Variants in PBX3 observed in about 807,000 individuals in gnomAD.
PBX3 encodes the protein pre-B-cell leukemia transcription factor 3.
Under a neutral mutation model 48.5 loss-of-function variants are expected in PBX3, and 14 were observed. The ratio of observed to expected loss-of-function variants is 0.29; its 90% confidence interval spans 0.19 to 0.45. The LOEUF is 0.45. Among genes scored for constraint, PBX3 ranks in the 20% least tolerant of loss-of-function variants. PBX3 has a pLI of 1.00. For synonymous variants in PBX3, 210 were observed against 200.3 expected (o/e 1.05, Z -0.41); for missense variants, 386 against 546.7 (o/e 0.71, Z 2.93).
intron 2 of PBX3, among the ~76,000 whole-genome samples, chr9:125,882,153 C>T (rs1840397765): frequency 1.3e-5 from 2 of 152,014 alleles, no homozygotes; most frequent in South Asian, 4.2e-4. Flanking sequence ...TTGCTTGAAC[C>T]CAGGAGCTTG....
At chr9:125,876,631 G>C (rs1840255167) in intron 2 of PBX3, among the ~76,000 whole-genome samples, 1 of 152,046 alleles carries the variant, frequency 6.6e-6, no homozygotes, top group African/African-American at 2.4e-5. Flanking sequence ...TATCAGTAAG[G>C]CTTCCAGTCA....
chr9:125,878,866 TTA>T (rs1840315312), intron 2 of PBX3, among the ~76,000 whole-genome samples: 1 of 152,192 alleles, frequency 6.6e-6, no homozygotes, highest in Non-Finnish European at 1.5e-5. Flanking sequence ...TCAGATGTTG[TTA>T]TGTGATATTT....
chr9:125,898,012 G>A (rs1840814209), intron 2 of PBX3, among the ~76,000 whole-genome samples: 1 of 151,644 alleles, frequency 6.6e-6, no homozygotes, highest in African/African-American at 2.4e-5. Flanking sequence ...TTTAAATATA[G>A]TAATCTACAC....
rs575080705 is a variant in PBX3 at position 125,868,420 on chromosome 9, T to G, written c.275-47266T>G. Among the ~76,000 whole-genome samples, 7 of 152,314 alleles carry G rather than the reference T, an allele frequency of 4.6e-5. No individual in the cohort carries two copies. The South Asian group carries it at 1.5e-3, about 32-fold the overall frequency. ...AAAACCTCACCTGGCATAGAACACT[T>G]AAACATGCTGGCTGTACAGTAAAGA... On this transcript the variant is annotated intron_variant, in intron 2 of 8. Transcript: ENST00000373489.
intron 2 of PBX3, among the ~76,000 whole-genome samples, chr9:125,756,574 C>G (rs1836524934): frequency 6.6e-6 from 1 of 152,164 alleles, no homozygotes; most frequent in Admixed American, 6.5e-5. Context: ...GTTCAAGTGT[C>G]TGAATTCCAC....
At chr9:125,820,718 G>A (rs1019405736) in intron 2 of PBX3, among the ~76,000 whole-genome samples, 3 of 152,182 alleles carry the variant, frequency 2.0e-5, no homozygotes, top group Admixed American at 6.5e-5. Context: ...GCTGGTGACA[G>A]TAAGTCTGCA....
intron 2 of PBX3, among the ~76,000 whole-genome samples, chr9:125,793,699 G>A (rs1488299357): frequency 6.6e-6 from 1 of 151,980 alleles, no homozygotes; most frequent in African/African-American, 2.4e-5. Context: ...CAAAGTGCTG[G>A]GATTACAGGC....
chr9:125,772,896 T>C (rs1836976556), intron 2 of PBX3, among the ~76,000 whole-genome samples: 1 of 152,180 alleles, frequency 6.6e-6, no homozygotes, highest in South Asian at 2.1e-4. Flanking sequence ...GGTGACACCA[T>C]CTCTACCTAT....
intron 2 of PBX3, among the ~76,000 whole-genome samples, chr9:125,775,025 C>T (rs998140385): frequency 6.6e-6 from 1 of 152,082 alleles, no homozygotes; most frequent in Non-Finnish European, 1.5e-5. Context: ...TGCCACTACA[C>T]CCAGCTAATT....
At chr9:125,940,038 C>T (rs1245017085) in intron 5 of PBX3, among the ~76,000 whole-genome samples, 5 of 152,008 alleles carry the variant, frequency 3.3e-5, no homozygotes, top group Admixed American at 6.6e-5. Flanking sequence ...AAAAAGTAGC[C>T]GAGTGTGATG....
intron 2 of PBX3, among the ~76,000 whole-genome samples, chr9:125,905,094 G>A (rs1209719758): frequency 4.0e-5 from 6 of 151,876 alleles, no homozygotes; most frequent in African/African-American, 1.5e-4. Flanking sequence ...TCAGAGAAGT[G>A]GGTTGAATAA....
chr9:125,872,562 C>G (rs544307890), intron 2 of PBX3, among the ~76,000 whole-genome samples: 111 of 152,028 alleles, frequency 7.3e-4, no homozygotes, highest in African/African-American at 2.7e-3. Flanking sequence ...AATTCCAGAC[C>G]AGCCTGGGCA....
chr9:125,815,089 A>T (rs573425228), intron 2 of PBX3, among the ~76,000 whole-genome samples: 9 of 152,302 alleles, frequency 5.9e-5, no homozygotes, highest in African/African-American at 2.2e-4. Flanking sequence ...CTGAAGAATT[A>T]TGTCTATTTT....
At chr9:125,902,849 G>T (rs1157945591) in intron 2 of PBX3, among the ~76,000 whole-genome samples, 1 of 151,712 alleles carries the variant, frequency 6.6e-6, no homozygotes, top group Non-Finnish European at 1.5e-5. Flanking sequence ...ACTTGAACTA[G>T]ACCAAGTAAT....
chr9:125,962,351 C>T (rs987224465), intron 7 of PBX3, 137 bp downstream of exon 7: 1 of 509,018 alleles, frequency 2.0e-6, no homozygotes, highest in African/African-American at 1.9e-5. Flanking sequence ...ACCCATCTGC[C>T]CCACCATTTA....
chr9:125,760,653 T>C (rs1018585725), intron 2 of PBX3, among the ~76,000 whole-genome samples: 4 of 152,188 alleles, frequency 2.6e-5, no homozygotes, highest in African/African-American at 9.6e-5. Context: ...AACATAAACA[T>C]TAGTGAACAC....
chr9:125,758,233 G>A (rs1836572752), intron 2 of PBX3, among the ~76,000 whole-genome samples: 1 of 151,824 alleles, frequency 6.6e-6, no homozygotes, highest in Non-Finnish European at 1.5e-5. Flanking sequence ...ATTCAATAAA[G>A]GAAATATTTC....
At chr9:125,872,828 T>C (rs975760933) in intron 2 of PBX3, among the ~76,000 whole-genome samples, 2 of 151,436 alleles carry the variant, frequency 1.3e-5, no homozygotes, top group Non-Finnish European at 2.9e-5. Context: ...TCTTGATAAA[T>C]GGTCCAATTA....
chr9:125,747,407 TCA>T lies in PBX3; in HGVS notation c.-46_-45del. The T allele has an allele frequency of 3.1e-6, 3 of 982,906 alleles. No homozygotes were observed. The highest frequency in any genetic ancestry group is 3.8e-6 in the Non-Finnish European group (3 of 796,582). 60.9% of individuals were successfully genotyped at this position (982,906 alleles called of 1,614,324 possible). A position where few individuals can be genotyped will look rare whatever the true frequency, so the allele number is the denominator to read the frequency against. Reference sequence around the variant, plus strand: ...CGTCGCCGCCGCCGCCGCCGCCGCCTCAGCCTTCGCCTCAGCCGCCGCCCGCT... The same window carrying T: ...CGTCGCCGCCGCCGCCGCCGCCGCCTGCCTTCGCCTCAGCCGCCGCCCGCT... On this transcript the variant is annotated 5_prime_UTR_variant, in exon 1 of 9. Transcript: ENST00000373489.
Sources: allele counts gnomAD v4.1 joint callset (sites outside exome capture counted in the v4.1 genomes callset), GRCh38; gene constraint gnomAD v4.1.1; transcripts MANE v1.5; gene names NCBI Gene and HGNC (gene_info 2026-07-23, HGNC 2026-07-21).